The following ARFGEF1 variants were observed in gnomAD, a reference collection of about 807,000 sequenced individuals.
The protein encoded by ARFGEF1 is ARF guanine nucleotide exchange factor 1, also known as brefeldin A-inhibited guanine nucleotide-exchange protein 1.
ARFGEF1 carries 42 observed loss-of-function variants against 231.0 expected under a neutral mutation model. The ratio of observed to expected loss-of-function variants is 0.18; its 90% CI spans 0.14 to 0.24. The LOEUF is 0.24. Among genes scored for constraint, ARFGEF1 ranks in the 10% least tolerant of loss-of-function variants. ARFGEF1 has a pLI of 1.00. For synonymous variants in ARFGEF1, 710 were observed against 732.3 expected, an observed-to-expected ratio of 0.97 and a Z score of 0.49; for missense variants, 1,345 against 2,192.0, an observed-to-expected ratio of 0.61 and a Z score of 7.72.
At position 67,302,413 on chromosome 8, in the gene ARFGEF1, TAAAGA is replaced by T. The variant is rs758071320; in HGVS notation, c.155+18_155+22del. On this transcript the variant is annotated intron_variant, in intron 2 of 38. Coordinates refer to ENST00000262215, the MANE Select transcript of ARFGEF1 (RefSeq NM_006421.5). The stretch of plus-strand genomic sequence containing the variant: ...TGACAAGTTTGAAAATTATTTTTAC[TAAAGA>T]AAAGAAATCCCACAAACCTCTGTTT... The T allele has an allele frequency of 8.8e-5, 137 of 1,554,510 alleles. No individual in the cohort carries two copies. The East Asian group carries it at 3.1e-3, about 35-fold the overall frequency.
chr8:67,239,218 G>A (rs1013355308), intron 20 of ARFGEF1, among the ~76,000 whole-genome samples: 7 of 151,900 alleles, frequency 4.6e-5, no homozygotes, highest in Non-Finnish European at 1.0e-4. Flanking sequence ...ATGTTGGCCA[G>A]GCTGGTCTCG....
intron 37 of ARFGEF1, among the ~76,000 whole-genome samples, chr8:67,200,962 T>C (rs1301182848): frequency 6.6e-6 from 1 of 152,260 alleles, no homozygotes; most frequent in Admixed American, 6.5e-5. Context: ...TTCTAAAATG[T>C]ATTTAATTGG....
Position 67,277,402 on chromosome 8 carries a change from T to C in ARFGEF1, c.1083A>G (p.Ile361Met), listed in dbSNP as rs750563533. The change falls in exon 8 of 39, where the codon ATA (isoleucine) becomes ATG (methionine). Residue 361 changes from isoleucine to methionine, a missense_variant. By Grantham distance (10) the Ile-to-Met change is conservative (BLOSUM62 1). This residue lies in a region of ARFGEF1 where 398 missense variants were observed against 463.2 expected (regional missense o/e 0.86). Transcript: ENST00000262215. ...NASADGNIGT[I>M]EDGSDSENIQ... ...TATTTTCACTGTCACTACCATCCTC[T>C]ATAGTTCCAATGTTGCCATCTGCAC... The C allele has an allele frequency of 7.4e-6, 12 of 1,613,754 alleles. No homozygotes were observed. In the African/African-American group the frequency reaches 1.5e-4, roughly 20 times the overall value.
chr8:67,304,774 G>A (rs183084188), intron 1 of ARFGEF1, among the ~76,000 whole-genome samples: 16 of 152,346 alleles, frequency 1.1e-4, no homozygotes, highest in South Asian at 2.1e-4. Flanking sequence ...AGCTGAGATT[G>A]CGCCACTGCG....
rs1055812302 is a variant in ARFGEF1, at chr8:67,231,040, T to C, written c.3380+1815A>G. On this transcript the variant is annotated intron_variant, in intron 23 of 38. Coordinates refer to ENST00000262215, the MANE Select transcript of ARFGEF1 (RefSeq NM_006421.5). ...TTCCTGTACTTGTAATAACAGGTTATGCAGAAAAATAGGCCTAAGGACAGG... is the reference window on the plus strand; with the variant it reads ...TTCCTGTACTTGTAATAACAGGTTACGCAGAAAAATAGGCCTAAGGACAGG... Among the ~76,000 whole-genome samples, 5 of 152,070 alleles carry C rather than the reference T, an allele frequency of 3.3e-5. No individual in the cohort carries two copies. In the East Asian group the frequency reaches 7.7e-4, roughly 23 times the overall value.
At chr8:67,333,040 C>T (rs561203783) in intron 1 of ARFGEF1, among the ~76,000 whole-genome samples, 2 of 141,870 alleles carry the variant, frequency 1.4e-5, no homozygotes, top group African/African-American at 2.6e-5. Flanking sequence ...AAATTAAATA[C>T]TTTTTTTTTT....
At chr8:67,251,222 T>A (rs1840275192) in intron 19 of ARFGEF1, 77 bp downstream of exon 19, 2 of 1,347,780 alleles carry the variant, frequency 1.5e-6, no homozygotes, top group Non-Finnish European at 2.0e-6. Flanking sequence ...CTGTATCGCT[T>A]CCTTAACTTA....
intron 1 of ARFGEF1, among the ~76,000 whole-genome samples, chr8:67,317,290 C>A (rs577913894): frequency 4.6e-5 from 7 of 152,200 alleles, no homozygotes; most frequent in African/African-American, 1.7e-4. Context: ...TAACAGGAAC[C>A]CCTGAATTTG....
chr8:67,302,643 CAT>C (rs1255742561), intron 1 of ARFGEF1, among the ~76,000 whole-genome samples, 177 bp from the exon 2 acceptor site: 5 of 152,040 alleles, frequency 3.3e-5, no homozygotes, highest in Non-Finnish European at 5.9e-5. Flanking sequence ...ACACAAATAA[CAT>C]AAAACTATAT....
intron 1 of ARFGEF1, among the ~76,000 whole-genome samples, chr8:67,330,183 C>A (rs1345365337): frequency 6.6e-6 from 1 of 151,926 alleles, no homozygotes; most frequent in East Asian, 1.9e-4. Context: ...ATATTAATTA[C>A]CTACTAAAGG....
intron 19 of ARFGEF1, among the ~76,000 whole-genome samples, chr8:67,250,272 T>C (rs778973857): frequency 3.3e-5 from 5 of 152,136 alleles, no homozygotes; most frequent in Admixed American, 6.5e-5. Context: ...AGTGAAAAAG[T>C]AGACATGAAG....
downstream of ARFGEF1, among the ~76,000 whole-genome samples, chr8:67,197,298 T>G (rs1038998295): frequency 1.3e-5 from 2 of 152,034 alleles, no homozygotes; most frequent in Non-Finnish European, 1.5e-5. Context: ...AAAAAATTTT[T>G]TTTTAATTAG....
In ARFGEF1 at chr8:67,177,876, T is replaced by C. The variant is rs1832071512; in HGVS notation, c.561-2304A>G. 5.9e-6 allele frequency: 4 copies of C among 683,710 alleles called. No homozygotes were observed. In the Admixed American group the frequency reaches 6.7e-5, roughly 11 times the overall value. The allele number at this position is 683,710 out of a possible 1,614,324, so 42.4% of individuals were successfully genotyped here. ...TCAGTAAAGTGGATAGCTTGAGAAG[T>C]GTTAGTGTAATATATATAGAAAACA... is the stretch of plus-strand genomic sequence containing the variant. On this transcript the variant is annotated intron_variant, in intron 5 of 5. Coordinates refer to the ARFGEF1 transcript ENST00000518789.
chr8:67,256,310 A>G (rs765752865), intron 17 of ARFGEF1, among the ~76,000 whole-genome samples: 12 of 152,236 alleles, frequency 7.9e-5, no homozygotes, highest in Non-Finnish European at 1.5e-4. Context: ...TTAAAGTCCT[A>G]TATAAAATCA....
intron 1 of ARFGEF1, among the ~76,000 whole-genome samples, chr8:67,329,529 AAAATAAATAAAT>A (rs755348912): frequency 0.011 from 1,615 of 146,008 alleles, 15 homozygotes; most frequent in African/African-American, 0.017. Context: ...ACTCCATCTC[AAAATAAATAAAT>A]AAATAAATAA....
At chr8:67,266,313 A>T in intron 13 of ARFGEF1, 106 bp from the exon 14 acceptor site, 1 of 777,968 alleles carries the variant, frequency 1.3e-6, no homozygotes, top group Non-Finnish European at 2.1e-6. Context: ...TGTTGCTTAG[A>T]TATCTATTTA....
chr8:67,340,810 C>T (rs755511034), intron 1 of ARFGEF1, among the ~76,000 whole-genome samples: 2 of 152,110 alleles, frequency 1.3e-5, no homozygotes, highest in Non-Finnish European at 2.9e-5. Flanking sequence ...ATTGAGTATA[C>T]AGAAGGGACA....
chr8:67,245,140 A>G (rs577758275), intron 19 of ARFGEF1, among the ~76,000 whole-genome samples: 1 of 150,674 alleles, frequency 6.6e-6, no homozygotes, highest in Non-Finnish European at 1.5e-5. Flanking sequence ...ACTATCCTTT[A>G]AACATGAAAG....
chr8:67,290,348 C>T (rs1805954214), intron 6 of ARFGEF1, among the ~76,000 whole-genome samples: 1 of 152,150 alleles, frequency 6.6e-6, no homozygotes, highest in African/African-American at 2.4e-5. Context: ...GCTCCCATTT[C>T]TTGGGTCTTA....
Sources: gnomAD v4.1 joint callset for allele counts (sites outside exome capture counted in the v4.1 genomes callset) on GRCh38, gnomAD v4.1.1 for gene constraint, gnomAD v4.1.1 regional missense constraint, MANE v1.5 for transcripts, NCBI Gene and HGNC (gene_info 2026-07-23, HGNC 2026-07-21) for gene names.